The following PPP1CA variants were observed in gnomAD, a reference collection of about 807,000 sequenced individuals.
The protein encoded by PPP1CA is protein phosphatase 1 catalytic subunit alpha, also known as serine/threonine-protein phosphatase PP1-alpha catalytic subunit.
Under a neutral mutation model 38.5 loss-of-function variants are expected in PPP1CA, and 14 were observed. The observed-to-expected ratio is 0.36, with a 90% CI of 0.24 to 0.57. PPP1CA has a LOEUF of 0.57. Among genes scored for constraint, PPP1CA ranks in the 20% least tolerant of loss-of-function variants. The pLI, the probability that PPP1CA is intolerant of heterozygous loss-of-function variation, is 0.80. For synonymous variants in PPP1CA, 200 were observed against 177.3 expected, an observed-to-expected ratio of 1.13 and a Z score of -1.02; for missense variants, 277 against 435.2, an observed-to-expected ratio of 0.64 and a Z score of 3.23.
Position 67,398,731 on chromosome 11 carries a change from G to A in PPP1CA, c.873C>T (p.Cys291=), listed in dbSNP as rs747208032. The change falls in exon 6 of 7, where the codon TGC becomes TGT. Residue 291 remains cysteine (C), a synonymous_variant. Transcript: ENST00000376745. ...AMMSVDETLM[C]SFQILKPADK... is the part of the protein sequence containing the mutation. ...TCTTCCCCACACTCACCTGGAAAGAGCACATGAGGGTCTCGTCCACACTCA... is the reference window on the plus strand; with the variant it reads ...TCTTCCCCACACTCACCTGGAAAGAACACATGAGGGTCTCGTCCACACTCA... The A allele has an allele frequency of 1.2e-6, 2 of 1,613,798 alleles. No homozygotes were observed. The highest frequency in any genetic ancestry group is 2.2e-5 in the East Asian group (1 of 44,890).
chr11:67,398,585 C>T lies in PPP1CA; in HGVS notation c.943G>A (p.Gly315Arg), dbSNP rs1241512739. 6.2e-7 allele frequency: 1 copy of T among 1,614,108 alleles called. No individual in the cohort carries two copies. The highest frequency in any genetic ancestry group is 8.5e-7 in the Non-Finnish European group (1 of 1,179,996). The stretch of plus-strand genomic sequence containing the variant: ...CGGGGTGGGGTGATGGGTCGGCCTC[C>T]AGGGTTCAGGCCACTGAACTGCCCG... ...KYGQFSGLNP[G>R]GRPITPPRNS... Residue 315 changes from glycine to arginine, a missense_variant, in exon 7 of 7, where the codon GGA becomes AGA. Gly to Arg is a moderately radical substitution (Grantham distance 125, BLOSUM62 -2). This residue lies in a region of PPP1CA where 53 missense variants were observed against 51.1 expected (regional missense o/e 1.04). Coordinates refer to ENST00000376745, the MANE Select transcript of PPP1CA (RefSeq NM_002708.4).
At chr11:67,401,423 C>T in intron 1 of PPP1CA, 1 of 744,014 alleles carries the variant, frequency 1.3e-6, no homozygotes, top group Non-Finnish European at 2.1e-6. Context: ...GCGCAGGGGG[C>T]TGCCACCAAA....
At chr11:67,399,297 A>C (rs1051403680) in intron 4 of PPP1CA, 134 bp from the exon 5 acceptor site, 3 of 848,720 alleles carry the variant, frequency 3.5e-6, no homozygotes, top group South Asian at 3.3e-5. Context: ...GACAGGCAGA[A>C]GTCATCCCCT....
intron 1 of PPP1CA, 198 bp from the exon 2 acceptor site, chr11:67,401,397 G>A (rs556197829): frequency 1.5e-5 from 13 of 895,312 alleles, no homozygotes; most frequent in African/African-American, 1.3e-4. Context: ...TCAGCGCCTC[G>A]GGAGGCGACT....
Sources: allele counts gnomAD v4.1 joint callset, GRCh38; gene constraint gnomAD v4.1.1; regional missense constraint gnomAD v4.1.1; transcripts MANE v1.5; gene names NCBI Gene and HGNC (gene_info 2026-07-23, HGNC 2026-07-21).